Variants in GRHL1 observed in about 807,000 individuals in gnomAD.
GRHL1 encodes the protein grainyhead like transcription factor 1.
GRHL1 carries 38 observed loss-of-function variants against 75.7 expected under a neutral mutation model. That is an observed-to-expected ratio of 0.50 (90% CI 0.39 to 0.66). The LOEUF (loss-of-function observed/expected upper bound fraction) is 0.66. GRHL1 is among the 30% of genes least tolerant of loss of function. GRHL1 has a pLI of 0.00. For missense variants in GRHL1, 589 were observed against 767.5 expected (o/e 0.77, Z 2.75); for synonymous variants, 266 against 279.4 (o/e 0.95, Z 0.48).
At chr2:9,967,794 G>GTT (rs1034644758) in intron 8 of GRHL1, among the ~76,000 whole-genome samples, 2 of 145,520 alleles carry the variant, frequency 1.4e-5, no homozygotes, top group African/African-American at 2.5e-5. Flanking sequence ...TGTATAGTTG[G>GTT]TTTTTTTTTT....
At position 9,961,285 on chromosome 2, in the gene GRHL1, C is replaced by T. The variant is rs1319198250; in HGVS notation, c.518C>T (p.Ala173Val). Reference sequence around the variant, plus strand: ...GGCTTCGCTGTGGGAATCCCCCCAGCAGTGTATCATCCTGAGCCCACTGAG... The same window carrying T: ...GGCTTCGCTGTGGGAATCCCCCCAGTAGTGTATCATCCTGAGCCCACTGAG... ...PHGFAVGIPP[A>V]VYHPEPTERV... The change falls in exon 4 of 16, where the codon GCA (alanine) becomes GTA (valine). Residue 173 changes from alanine (A) to valine (V), a missense_variant. This residue lies in a region of GRHL1 where 362 missense variants were observed against 461.8 expected (regional missense o/e 0.78). Coordinates refer to ENST00000324907, the MANE Select transcript of GRHL1 (RefSeq NM_198182.3). The T allele has an allele frequency of 1.9e-6, 3 of 1,614,198 alleles. No individual in the cohort carries two copies. Among genetic ancestry groups the T allele is most frequent in the Non-Finnish European group, 2.5e-6 (3 of 1,180,036 alleles).
In GRHL1 at chr2:9,995,947, C is replaced by A; in HGVS notation, c.1568C>A (p.Ala523Asp). The A allele has an allele frequency of 6.2e-7, 1 of 1,608,340 alleles. No individual in the cohort carries two copies. Residue 523 changes from alanine to aspartate, a missense_variant, in exon 13 of 16, where the codon GCC becomes GAC. Physicochemically the swap from Ala to Asp is moderately radical, Grantham distance 126. Around this residue, in one of 5 missense-constraint regions of GRHL1, gnomAD observed 192 missense variants for 226.6 expected, o/e 0.85. Transcript: ENST00000324907. ...DFAVPPSTKL[A>D]RIEEPKRVLL... is the part of the protein sequence containing the mutation. ...GCTGTCCCTCCTTCTACCAAGCTGG[C>A]CCGGATAGAAGAACCAAAGAGAGGT...
chr2:9,984,182 A>G (rs1668320020), intron 8 of GRHL1, among the ~76,000 whole-genome samples: 1 of 151,888 alleles, frequency 6.6e-6, no homozygotes, highest in Admixed American at 6.6e-5. Context: ...AAGTTACTAT[A>G]GCTGCCCCCC....
intron 2 of GRHL1, among the ~76,000 whole-genome samples, chr2:9,957,706 G>T (rs779887684): frequency 2.8e-4 from 42 of 152,210 alleles, no homozygotes; most frequent in Admixed American, 7.9e-4. Context: ...ACCGCGCCTG[G>T]CCAGCAGTGT....
chr2:9,961,748 A>G (rs949705051), intron 4 of GRHL1, among the ~76,000 whole-genome samples: 6 of 152,284 alleles, frequency 3.9e-5, no homozygotes, highest in Non-Finnish European at 8.8e-5. Flanking sequence ...AGATTCTCCT[A>G]GTCTGTTTTC....
At chr2:9,985,070 A>G (rs903625572) in intron 8 of GRHL1, among the ~76,000 whole-genome samples, 1 of 151,912 alleles carries the variant, frequency 6.6e-6, no homozygotes, top group Non-Finnish European at 1.5e-5. Flanking sequence ...TGTCTCAAAA[A>G]AAAAAAAAAA....
At position 9,987,752 on chromosome 2, in the gene GRHL1, G is replaced by A. The variant is rs966932652; in HGVS notation, c.1269+1470G>A. Among the ~76,000 whole-genome samples the A allele has an allele frequency of 2.6e-5, 4 of 152,176 alleles. No homozygotes were observed. Among genetic ancestry groups the A allele is most frequent in the South Asian group, 2.1e-4 (1 of 4,834 alleles). ...GCAGGGAGAGTCTGGAAGGTGCGTC[G>A]AGTCTTGAGGGGAAAGTTTGTGCTG... On this transcript the variant is annotated intron_variant, in intron 9 of 15. Transcript: ENST00000324907. The surrounding 1 kb of genome is among the most constrained non-coding windows in gnomAD (Gnocchi z 4.2).
In GRHL1 at chr2:9,964,024, T is replaced by C; in HGVS notation, c.885T>C (p.His295=). 1 of 1,613,822 alleles carries C rather than the reference T, an allele frequency of 6.2e-7. No homozygotes were observed. Among genetic ancestry groups the C allele is most frequent in the Non-Finnish European group, 8.5e-7 (1 of 1,179,810 alleles). ...TGAGCAGCAGTGAAGGAATCCATCATCCCATCAGCAAAGTTCGAGTAAGTT... is the reference window on the plus strand; with the variant it reads ...TGAGCAGCAGTGAAGGAATCCATCACCCCATCAGCAAAGTTCGAGTAAGTT... ...KEVSSSEGIH[H]PISKVRSVIM... is the part of the protein sequence containing the mutation. The change falls in exon 6 of 16, where the codon CAT becomes CAC. Residue 295 remains histidine (H), a synonymous_variant. Coordinates refer to ENST00000324907, the MANE Select transcript of GRHL1 (RefSeq NM_198182.3).
intron 8 of GRHL1, 119 bp downstream of exon 8, chr2:9,965,500 A>G: frequency 1.6e-6 from 1 of 627,582 alleles, no homozygotes; most frequent in Non-Finnish European, 2.8e-6. Context: ...CTCAGGTGTT[A>G]TGAAACTATC....
intron 12 of GRHL1, 60 bp from the exon 13 acceptor site, chr2:9,995,819 C>CT: frequency 1.1e-6 from 1 of 941,404 alleles, no homozygotes; most frequent in Non-Finnish European, 1.7e-6. Flanking sequence ...TCTAAAACAC[C>CT]TTAATGTTGA....
chr2:9,965,501 T>C (rs1667456379), intron 8 of GRHL1, 120 bp downstream of exon 8: 1 of 628,108 alleles, frequency 1.6e-6, no homozygotes, highest in Non-Finnish European at 2.9e-6. Flanking sequence ...TCAGGTGTTA[T>C]GAAACTATCC....
Position 9,995,928 on chromosome 2 carries a change from C to T in GRHL1, c.1549C>T (p.Pro517Ser). 1.2e-6 allele frequency: 2 copies of T among 1,612,810 alleles called. No homozygotes were observed. The highest frequency in any genetic ancestry group is 1.7e-6 in the Non-Finnish European group (2 of 1,178,776). ...CGGCACAGAAGATGACTTTGCTGTC[C>T]CTCCTTCTACCAAGCTGGCCCGGAT... Reference protein sequence around the residue: ...PYGTEDDFAVPPSTKLARIEE... With the variant: ...PYGTEDDFAVSPSTKLARIEE... The change falls in exon 13 of 16, where the codon CCT (proline) becomes TCT (serine). Residue 517 changes from proline to serine, a missense_variant. Around this residue, in one of 5 missense-constraint regions of GRHL1, gnomAD observed 192 missense variants for 226.6 expected, o/e 0.85. Transcript: ENST00000324907.
At chr2:9,965,188 T>C (rs1667438068) in intron 7 of GRHL1, 99 bp from the exon 8 acceptor site, 1 of 682,022 alleles carries the variant, frequency 1.5e-6, no homozygotes, top group Admixed American at 2.2e-5. Context: ...TGTCCAGAGG[T>C]GATAATGCTA....
At chr2:9,975,757 G>A (rs767957280) in intron 8 of GRHL1, among the ~76,000 whole-genome samples, 3 of 151,792 alleles carry the variant, frequency 2.0e-5, no homozygotes, top group Non-Finnish European at 4.4e-5. Flanking sequence ...GTGGTGATGC[G>A]TGCCTGTAAT....
chr2:10,000,822 G>T lies in GRHL1; in HGVS notation c.*115G>T. ...GTCGCCAGCACAGGTCTATGTCGAG[G>T]GAATGGGTTCCTTGCAGGTTGGAGG... On this transcript the variant is annotated 3_prime_UTR_variant, in exon 16 of 16. Transcript: ENST00000324907. 1.7e-6 allele frequency: 1 copy of T among 594,382 alleles called. No individual in the cohort carries two copies. Among genetic ancestry groups the T allele is most frequent in the African/African-American group, 1.9e-5 (1 of 53,844 alleles). 36.8% of individuals were successfully genotyped at this position (594,382 alleles called of 1,614,324 possible). A position where few individuals can be genotyped will look rare whatever the true frequency, so the allele number is the denominator to read the frequency against.
chr2:9,979,059 C>G (rs1208391470), intron 8 of GRHL1, among the ~76,000 whole-genome samples: 2 of 147,382 alleles, frequency 1.4e-5, no homozygotes, highest in East Asian at 4.1e-4. Flanking sequence ...ACTCAGGAGG[C>G]TGAGGCACGA....
intron 5 of GRHL1, 120 bp downstream of exon 5, chr2:9,962,651 C>T (rs1667325524): frequency 1.5e-6 from 1 of 686,794 alleles, no homozygotes; most frequent in Non-Finnish European, 2.7e-6. Flanking sequence ...ACTACTTTTA[C>T]TGTGGTACAG....
chr2:9,991,686 T>C (rs1360494637), intron 10 of GRHL1, among the ~76,000 whole-genome samples: 1 of 152,264 alleles, frequency 6.6e-6, no homozygotes, highest in Non-Finnish European at 1.5e-5. Context: ...TTTACACAAT[T>C]ATACATTTTA....
intron 1 of GRHL1, chr2:9,952,869 G>T (rs932596373): frequency 8.6e-6 from 3 of 349,532 alleles, no homozygotes; most frequent in African/African-American, 6.4e-5. Context: ...TAGATATTTT[G>T]TATGGAGTAT....
Sources: gnomAD v4.1 joint callset for allele counts (sites outside exome capture counted in the v4.1 genomes callset) on GRCh38, gnomAD v4.1.1 for gene constraint, gnomAD v4.1.1 regional missense constraint, Gnocchi (gnomAD v3.1) non-coding constraint, MANE v1.5 for transcripts, NCBI Gene and HGNC (gene_info 2026-07-23, HGNC 2026-07-21) for gene names.